The following ANGPT2 variants were observed in gnomAD, a reference collection of about 807,000 sequenced individuals.
ANGPT2 encodes the protein angiopoietin-2.
Under a neutral mutation model 62.9 loss-of-function variants are expected in ANGPT2, and 28 were observed. That is an observed-to-expected ratio of 0.44 (90% CI 0.33 to 0.61). The LOEUF (loss-of-function observed/expected upper bound fraction) is 0.61. Ranked by LOEUF, ANGPT2 falls within the 20% of genes least tolerant of loss-of-function variation. The pLI is 0.03. For synonymous variants in ANGPT2, 284 were observed against 207.8 expected (o/e 1.37, Z -3.15); for missense variants, 727 against 594.9 (o/e 1.22, Z -2.31).
At position 6,505,895 on chromosome 8, in the gene ANGPT2, A is replaced by C. The variant is rs1300869665; in HGVS notation, c.1328-2634T>G. On this transcript the variant is annotated intron_variant, in intron 8 of 8. Transcript: ENST00000629816. ...ATATTCTTTATATATGTATATATAA[A>C]AACATACATATTCTTTATATATGTA... 2.4e-4 allele frequency among the ~76,000 whole-genome samples: 28 copies of C among 117,488 alleles called. No homozygotes were observed. In the East Asian group the frequency reaches 6.1e-3, roughly 25 times the overall value. 77.1% of individuals were successfully genotyped at this position (117,488 alleles called of 152,430 possible). A position where few individuals can be genotyped will look rare whatever the true frequency, so the allele number is the denominator to read the frequency against.
intron 1 of ANGPT2, among the ~76,000 whole-genome samples, chr8:6,535,548 A>G (rs1364832646): frequency 6.6e-6 from 1 of 152,210 alleles, no homozygotes; most frequent in Non-Finnish European, 1.5e-5. Context: ...CAGATTACAA[A>G]TACACATGAT....
chr8:6,500,123 C>G lies in ANGPT2; in HGVS notation c.*2978G>C. 1 of 588,514 alleles carries G rather than the reference C, an allele frequency of 1.7e-6. No homozygotes were observed. Among genetic ancestry groups the G allele is most frequent in the East Asian group, 2.9e-5 (1 of 33,902 alleles). The allele number at this position is 588,514 out of a possible 1,614,324, so 36.5% of individuals were successfully genotyped here. A position where few individuals can be genotyped will look rare whatever the true frequency, so the allele number is the denominator to read the frequency against. ...AATGTGAGAACGTGAGACCATTGTG[C>G]AAAAAGTAGTGAGGAATGCAGTCCA... On this transcript the variant is annotated 3_prime_UTR_variant, in exon 9 of 9. Transcript: ENST00000629816.
intron 2 of ANGPT2, among the ~76,000 whole-genome samples, chr8:6,528,052 T>C (rs1334332619): frequency 1.4e-5 from 2 of 139,866 alleles, no homozygotes; most frequent in Non-Finnish European, 3.2e-5. Context: ...CGTACCACCA[T>C]ACCCAGCTAA....
At chr8:6,517,526 C>T (rs1329651875) in intron 5 of ANGPT2, among the ~76,000 whole-genome samples, 2 of 152,210 alleles carry the variant, frequency 1.3e-5, no homozygotes, top group African/African-American at 2.4e-5. Context: ...AAAAGATGTG[C>T]TCAAAGACCA....
At chr8:6,558,804 A>G (rs1825059157) in intron 1 of ANGPT2, among the ~76,000 whole-genome samples, 1 of 152,196 alleles carries the variant, frequency 6.6e-6, no homozygotes, top group Admixed American at 6.5e-5. Flanking sequence ...TTGACCATAG[A>G]AAACATATGA....
At position 6,501,460 on chromosome 8, in the gene ANGPT2, T is replaced by C. The variant is rs965831388; in HGVS notation, c.*1641A>G. On this transcript the variant is annotated 3_prime_UTR_variant, in exon 9 of 9. Transcript: ENST00000629816. ...CACAAATGTTCATTAGTATTAATTG[T>C]ACTATGAAAATTTCAAAAGGAGTTA... 1.3e-5 allele frequency: 2 copies of C among 152,176 alleles called. No homozygotes were observed. Among genetic ancestry groups the C allele is most frequent in the Non-Finnish European group, 2.9e-5 (2 of 68,024 alleles). 9.4% of individuals were successfully genotyped at this position (152,176 alleles called of 1,614,324 possible).
chr8:6,553,213 G>C (rs1037238478), intron 1 of ANGPT2, among the ~76,000 whole-genome samples: 1 of 152,130 alleles, frequency 6.6e-6, no homozygotes, highest in African/African-American at 2.4e-5. Context: ...GGGGGATATG[G>C]GAACTCTCTG....
intron 1 of ANGPT2, among the ~76,000 whole-genome samples, chr8:6,547,345 G>A (rs1042306598): frequency 1.3e-5 from 2 of 151,900 alleles, no homozygotes; most frequent in African/African-American, 2.4e-5. Flanking sequence ...CTGGAGGTCC[G>A]CCCCCTCTCT....
At position 6,552,556 on chromosome 8, in the gene ANGPT2, A is replaced by G. The variant is rs1237024170; in HGVS notation, c.288+10091T>C. 6.6e-5 allele frequency among the ~76,000 whole-genome samples: 10 copies of G among 152,200 alleles called. No homozygotes were observed. The East Asian group carries it at 1.9e-3, about 29-fold the overall frequency. On this transcript the variant is annotated intron_variant, in intron 1 of 8. Transcript: ENST00000629816. Reference sequence around the variant, plus strand: ...AATTATAACCTTTAACTAATGTGAGATATAGTATAGATCTTGATAAGTGTC... The same window carrying G: ...AATTATAACCTTTAACTAATGTGAGGTATAGTATAGATCTTGATAAGTGTC...
At position 6,563,061 on chromosome 8, in the gene ANGPT2, C is replaced by G; in HGVS notation, c.-127G>C. 9.9e-7 allele frequency: 1 copy of G among 1,008,722 alleles called. No individual in the cohort carries two copies. Among genetic ancestry groups the G allele is most frequent in the Non-Finnish European group, 1.4e-6 (1 of 710,262 alleles). The allele number at this position is 1,008,722 out of a possible 1,614,324, so 62.5% of individuals were successfully genotyped here. On this transcript the variant is annotated 5_prime_UTR_variant, in exon 1 of 9. Coordinates refer to ENST00000629816, the MANE Select transcript of ANGPT2 (RefSeq NM_001118887.2). The stretch of plus-strand genomic sequence containing the variant: ...CATGGCTGGGTCCGTCAATGAAAGT[C>G]TTCTCTTTCCTCTTTTTCCAGTAGC...
intron 1 of ANGPT2, among the ~76,000 whole-genome samples, chr8:6,558,896 A>G (rs1282966057): frequency 1.3e-5 from 2 of 152,124 alleles, no homozygotes; most frequent in African/African-American, 4.8e-5. Context: ...TACTATACAT[A>G]TACATATCGC....
At chr8:6,549,680 C>A (rs1823269870) in intron 1 of ANGPT2, among the ~76,000 whole-genome samples, 1 of 142,264 alleles carries the variant, frequency 7.0e-6, no homozygotes, top group Admixed American at 7.2e-5. Flanking sequence ...GGGAAGAAGC[C>A]TTCCGTATCG....
At chr8:6,510,481 A>G (rs529461267) in intron 7 of ANGPT2, among the ~76,000 whole-genome samples, 1 of 152,348 alleles carries the variant, frequency 6.6e-6, no homozygotes, top group African/African-American at 2.4e-5. Flanking sequence ...AAGAATACAA[A>G]GAAGAGAGAA....
At chr8:6,558,211 T>C (rs1210567262) in intron 1 of ANGPT2, among the ~76,000 whole-genome samples, 1 of 152,200 alleles carries the variant, frequency 6.6e-6, no homozygotes, top group Non-Finnish European at 1.5e-5. Flanking sequence ...AAATTTGGCA[T>C]TTTAAATAAA....
rs1357082728 is a variant in ANGPT2 at position 6,514,646 on chromosome 8, T to G, written c.1029+31A>C. Reference sequence around the variant, plus strand: ...GAAAGCTATTTTTCACAAGGGAAATTCTTTTCTGATGCCTTAAAGAATGTC... The same window carrying G: ...GAAAGCTATTTTTCACAAGGGAAATGCTTTTCTGATGCCTTAAAGAATGTC... On this transcript the variant is annotated intron_variant, in intron 6 of 8. Transcript: ENST00000629816. 2.5e-6 allele frequency: 4 copies of G among 1,590,200 alleles called. No individual in the cohort carries two copies. In the African/African-American group the frequency reaches 4.0e-5, roughly 16 times the overall value.
intron 1 of ANGPT2, among the ~76,000 whole-genome samples, chr8:6,549,649 G>A (rs571607528): frequency 2.1e-4 from 31 of 149,900 alleles, no homozygotes; most frequent in African/African-American, 6.9e-4. Context: ...ACAAAGAGGG[G>A]CGTGAGGGAG....
chr8:6,562,821 A>G lies in ANGPT2; in HGVS notation c.114T>C (p.His38=). 2 of 1,613,660 alleles carry G rather than the reference A, an allele frequency of 1.2e-6. No individual in the cohort carries two copies. The highest frequency in any genetic ancestry group is 1.7e-6 in the Non-Finnish European group (2 of 1,179,916). ...SIGKKQYQVQ[H]GSCSYTFLLP... ...GGAGGAAAGTGTAGCTGCAGGACCC[A>G]TGCTGGACCTGATATTGCTTCTTTC... is the stretch of plus-strand genomic sequence containing the variant. Residue 38 remains histidine (H), a synonymous_variant, in exon 1 of 9, where the codon CAT becomes CAC. Coordinates refer to ENST00000629816, the MANE Select transcript of ANGPT2 (RefSeq NM_001118887.2).
In ANGPT2 at chr8:6,501,834, G is replaced by A. The variant is rs1031161803; in HGVS notation, c.*1267C>T. 6.6e-6 allele frequency: 1 copy of A among 151,650 alleles called. No homozygotes were observed. The allele number at this position is 151,650 out of a possible 1,614,324, so 9.4% of individuals were successfully genotyped here. A position where few individuals can be genotyped will look rare whatever the true frequency, so the allele number is the denominator to read the frequency against. ...GCCTACCAATGTACTGGGATTATAGGTGTGAGCCACTGCGCCCAGCCCTGT... is the reference window on the plus strand; with the variant it reads ...GCCTACCAATGTACTGGGATTATAGATGTGAGCCACTGCGCCCAGCCCTGT... On this transcript the variant is annotated 3_prime_UTR_variant, in exon 9 of 9. Coordinates refer to ENST00000629816, the MANE Select transcript of ANGPT2 (RefSeq NM_001118887.2).
chr8:6,522,624 A>G (rs1009389364), intron 3 of ANGPT2, among the ~76,000 whole-genome samples: 3 of 151,476 alleles, frequency 2.0e-5, no homozygotes, highest in Non-Finnish European at 4.4e-5. Context: ...AAATACAAAA[A>G]TTAGCCAAGC....
Sources: allele counts gnomAD v4.1 joint callset (sites outside exome capture counted in the v4.1 genomes callset), GRCh38; gene constraint gnomAD v4.1.1; transcripts MANE v1.5; gene names NCBI Gene and HGNC (gene_info 2026-07-23, HGNC 2026-07-21).